The following FAM114A2 variants were observed in gnomAD, a reference collection of about 807,000 sequenced individuals.
The protein encoded by FAM114A2 is family with sequence similarity 114 member A2.
FAM114A2 carries 53 observed loss-of-function variants against 58.4 expected under a neutral mutation model. The ratio of observed to expected loss-of-function variants is 0.91; its 90% CI spans 0.73 to 1.14. The LOEUF (loss-of-function observed/expected upper bound fraction) is 1.14, where lower values mean the gene tolerates loss of function less well. Ranked by LOEUF, FAM114A2 falls within the 50% of genes most tolerant of loss-of-function variation. The pLI, the probability that FAM114A2 is intolerant of heterozygous loss-of-function variation, is 0.00. For missense variants in FAM114A2, 601 were observed against 581.1 expected (o/e 1.03, Z -0.35); for synonymous variants, 228 against 211.4 (o/e 1.08, Z -0.68).
chr5:154,003,177 G>GCTT (rs369892098), intron 9 of FAM114A2, among the ~76,000 whole-genome samples: 14 of 134,868 alleles, frequency 1.0e-4, no homozygotes, highest in African/African-American at 1.4e-4. Flanking sequence ...CTAATTGGTA[G>GCTT]TATTTTTTTT....
chr5:153,998,023 C>G (rs968428648), intron 11 of FAM114A2, 148 bp from the exon 12 acceptor site: 7 of 498,242 alleles, frequency 1.4e-5, no homozygotes, highest in African/African-American at 4.0e-5. Flanking sequence ...GTATCCCCCC[C>G]TTATCTGTGG....
At chr5:154,023,889 GA>G (rs982658290) in intron 8 of FAM114A2, among the ~76,000 whole-genome samples, 6 of 151,690 alleles carry the variant, frequency 4.0e-5, no homozygotes, top group Admixed American at 2.6e-4. Flanking sequence ...AAAAGAAAAA[GA>G]AAAAAAAGTC....
intron 5 of FAM114A2, 43 bp downstream of exon 5, chr5:154,029,446 T>C (rs764717683): frequency 9.4e-7 from 1 of 1,063,700 alleles, no homozygotes. Context: ...AAACCCATTA[T>C]AATAATGGAA....
intron 9 of FAM114A2, among the ~76,000 whole-genome samples, chr5:154,007,674 T>C (rs978984278): frequency 2.0e-5 from 3 of 152,226 alleles, no homozygotes; most frequent in Non-Finnish European, 4.4e-5. Context: ...GTCTTTTTCA[T>C]GATTATTTCC....
At chr5:154,002,180 TA>T in intron 11 of FAM114A2, 70 bp downstream of exon 11, 1 of 1,448,484 alleles carries the variant, frequency 6.9e-7, no homozygotes, top group Non-Finnish European at 9.7e-7. Context: ...GAGACGTTTA[TA>T]AAACTTTGGA....
intron 4 of FAM114A2, among the ~76,000 whole-genome samples, chr5:154,031,872 G>A (rs1475561819): frequency 2.0e-5 from 3 of 152,164 alleles, no homozygotes; most frequent in African/African-American, 7.2e-5. Context: ...AATTTACTAT[G>A]CCAAAGGGAA....
In FAM114A2 at chr5:153,992,669, T is replaced by C. The variant is rs541152219; in HGVS notation, c.*307A>G. 4.8e-4 allele frequency: 97 copies of C among 202,442 alleles called. No individual in the cohort carries two copies. Among genetic ancestry groups the C allele is most frequent in the Admixed American group, 1.6e-3 (28 of 17,170 alleles). The allele number at this position is 202,442 out of a possible 1,614,324, so 12.5% of individuals were successfully genotyped here. A position where few individuals can be genotyped will look rare whatever the true frequency, so the allele number is the denominator to read the frequency against. ...ACAAAATTGATAACATTTTGCAACA[T>C]GTCAAAGAAAGACCAACATTTTTGC... On this transcript the variant is annotated 3_prime_UTR_variant, in exon 14 of 14. Coordinates refer to ENST00000351797, the MANE Select transcript of FAM114A2 (RefSeq NM_018691.4).
At chr5:154,027,582 C>T (rs1180238705) in intron 6 of FAM114A2, 1 of 308,376 alleles carries the variant, frequency 3.2e-6, no homozygotes, top group Non-Finnish European at 5.9e-6. Flanking sequence ...CTCACTGCAA[C>T]CTCTGCCTCT....
chr5:154,000,524 G>T (rs1365692232), intron 11 of FAM114A2, among the ~76,000 whole-genome samples: 1 of 152,106 alleles, frequency 6.6e-6, no homozygotes, highest in Admixed American at 6.5e-5. Flanking sequence ...CATTAAATTT[G>T]TGGGTGGAAG....
In FAM114A2 at chr5:154,014,926, C is replaced by T. The variant is rs187374653; in HGVS notation, c.914-3606G>A. 5.2e-4 allele frequency among the ~76,000 whole-genome samples: 79 copies of T among 152,298 alleles called. No individual in the cohort carries two copies. In the East Asian group the frequency reaches 0.015, roughly 28 times the overall value. ...TGGGGCAAGTTCTCAGCCCTGCTTG[C>T]CCACTGCCTGGAAACAGACTCAGTG... On this transcript the variant is annotated intron_variant, in intron 8 of 13. Transcript: ENST00000351797.
At chr5:154,034,661 T>C in intron 2 of FAM114A2, 83 bp downstream of exon 2, 1 of 994,570 alleles carries the variant, frequency 1.0e-6, no homozygotes, top group South Asian at 1.4e-5. Context: ...AAATTGGTAT[T>C]TATGCCAAAT....
chr5:154,000,931 G>A (rs1047211015), intron 11 of FAM114A2, among the ~76,000 whole-genome samples: 1 of 152,226 alleles, frequency 6.6e-6, no homozygotes, highest in Non-Finnish European at 1.5e-5. Context: ...GTTACTGGGT[G>A]CTAATTTTAT....
chr5:154,000,964 T>G (rs1769931337), intron 11 of FAM114A2, among the ~76,000 whole-genome samples: 1 of 152,174 alleles, frequency 6.6e-6, no homozygotes, highest in Non-Finnish European at 1.5e-5. Flanking sequence ...GCTAAGGGAT[T>G]TACATGTATC....
Position 154,034,962 on chromosome 5 carries a change from C to T in FAM114A2, c.-9G>A, listed in dbSNP as rs1772451626. The T allele has an allele frequency of 1.9e-6, 3 of 1,596,998 alleles. No individual in the cohort carries two copies. Among genetic ancestry groups the T allele is most frequent in the Admixed American group, 1.7e-5 (1 of 57,930 alleles). ...TCATCTTTATCTGACATGATTAGAACATCAGCTGGTAAAATGAAAGCCCAA... is the reference window on the plus strand; with the variant it reads ...TCATCTTTATCTGACATGATTAGAATATCAGCTGGTAAAATGAAAGCCCAA... On this transcript the variant is annotated 5_prime_UTR_variant, in exon 2 of 14. It removes an upstream start codon present in the reference 5' UTR. Coordinates refer to ENST00000351797, the MANE Select transcript of FAM114A2 (RefSeq NM_018691.4).
At chr5:154,024,572 T>A (rs1771655724) in intron 8 of FAM114A2, among the ~76,000 whole-genome samples, 1 of 152,160 alleles carries the variant, frequency 6.6e-6, no homozygotes, top group South Asian at 2.1e-4. Context: ...CAAAGATACA[T>A]AGTTGGAAAG....
chr5:154,016,608 C>T (rs1413443296), intron 8 of FAM114A2, among the ~76,000 whole-genome samples: 1 of 152,058 alleles, frequency 6.6e-6, no homozygotes, highest in Admixed American at 6.6e-5. Flanking sequence ...AAGAACTGCA[C>T]TGCAAGAACT....
intron 9 of FAM114A2, among the ~76,000 whole-genome samples, chr5:154,008,674 A>ATGTGTGTG (rs375012511): frequency 1.3e-5 from 2 of 151,280 alleles, no homozygotes; most frequent in Non-Finnish European, 3.0e-5. Context: ...CTATATGTGT[A>ATGTGTGTG]TGTGTGTGTG....
At position 154,028,084 on chromosome 5, in the gene FAM114A2, T is replaced by A. The variant is rs1452717077; in HGVS notation, c.630+65A>T. The stretch of plus-strand genomic sequence containing the variant: ...AAGAAAACACTAACAAGGTTCCAAG[T>A]AAACAAAGGCAAAAATACAGATCAA... On this transcript the variant is annotated intron_variant, in intron 6 of 13. Coordinates refer to ENST00000351797, the MANE Select transcript of FAM114A2 (RefSeq NM_018691.4). 2.2e-6 allele frequency: 3 copies of A among 1,390,026 alleles called. No individual in the cohort carries two copies. In the African/African-American group the frequency reaches 4.3e-5, roughly 20 times the overall value. 86.1% of individuals were successfully genotyped at this position (1,390,026 alleles called of 1,614,324 possible).
intron 1 of FAM114A2, among the ~76,000 whole-genome samples, chr5:154,035,639 C>T (rs931810891): frequency 6.6e-6 from 1 of 152,136 alleles, no homozygotes; most frequent in Admixed American, 6.5e-5. Flanking sequence ...AATAAAACAG[C>T]TATGAAAGTT....
Sources: allele counts gnomAD v4.1 joint callset (sites outside exome capture counted in the v4.1 genomes callset), GRCh38; gene constraint gnomAD v4.1.1; transcripts MANE v1.5; gene names NCBI Gene and HGNC (gene_info 2026-07-23, HGNC 2026-07-21).